FCHSD2: variants seen among roughly 807,000 people sequenced by gnomAD.
FCHSD2 encodes F-BAR and double SH3 domains protein 2.
Under a neutral mutation model 108.1 loss-of-function variants are expected in FCHSD2, and 38 were observed. The ratio of observed to expected loss-of-function variants is 0.35; its 90% CI spans 0.27 to 0.46. The LOEUF (loss-of-function observed/expected upper bound fraction) is 0.46. Ranked by LOEUF, FCHSD2 falls within the 20% of genes least tolerant of loss-of-function variation. The pLI is 1.00. For missense variants in FCHSD2, 751 were observed against 897.8 expected (o/e 0.84, Z 2.09); for synonymous variants, 279 against 314.7 (o/e 0.89, Z 1.20).
chr11:73,080,246 A>C (rs1859649559), intron 3 of FCHSD2, among the ~76,000 whole-genome samples: 1 of 146,432 alleles, frequency 6.8e-6, no homozygotes, highest in Admixed American at 6.9e-5. Context: ...ACACTAAGCT[A>C]TGATTGTGCC....
intron 8 of FCHSD2, among the ~76,000 whole-genome samples, chr11:72,931,621 C>T (rs1030762776): frequency 6.6e-6 from 1 of 151,394 alleles, no homozygotes; most frequent in African/African-American, 2.4e-5. Flanking sequence ...AAAAATTAGC[C>T]GGGCGCAGTG....
intron 2 of FCHSD2, among the ~76,000 whole-genome samples, chr11:73,121,961 C>A (rs1402429610): frequency 6.6e-6 from 1 of 152,040 alleles, no homozygotes; most frequent in Non-Finnish European, 1.5e-5. Context: ...AGTACTTAAC[C>A]TGAAAAGTAC....
intron 18 of FCHSD2, among the ~76,000 whole-genome samples, chr11:72,841,242 G>T (rs1396253236): frequency 2.0e-5 from 3 of 149,220 alleles, no homozygotes; most frequent in African/African-American, 7.4e-5. Flanking sequence ...GCTGAGGCAG[G>T]AGGATCACTT....
intron 5 of FCHSD2, among the ~76,000 whole-genome samples, chr11:72,996,302 T>C (rs1242402131): frequency 6.6e-6 from 1 of 152,178 alleles, no homozygotes; most frequent in East Asian, 1.9e-4. Context: ...TTAAATACTA[T>C]CAGGGTTGTG....
At chr11:73,121,548 C>T (rs996629963) in intron 2 of FCHSD2, among the ~76,000 whole-genome samples, 2 of 151,672 alleles carry the variant, frequency 1.3e-5, no homozygotes, top group African/African-American at 4.8e-5. Context: ...TCTTGGGTTG[C>T]TAAGATTTAA....
chr11:73,104,933 G>A (rs902938547), intron 2 of FCHSD2, among the ~76,000 whole-genome samples: 3 of 152,166 alleles, frequency 2.0e-5, no homozygotes, highest in Non-Finnish European at 4.4e-5. Context: ...AGTTTTACAC[G>A]TTTAAATGAA....
chr11:72,991,267 G>A (rs571862127), intron 5 of FCHSD2, among the ~76,000 whole-genome samples: 2 of 152,226 alleles, frequency 1.3e-5, no homozygotes, highest in African/African-American at 4.8e-5. Context: ...ATTCACAGCC[G>A]AATTCTACCA....
intron 9 of FCHSD2, among the ~76,000 whole-genome samples, chr11:72,913,827 A>C (rs1156864529): frequency 6.7e-6 from 1 of 149,700 alleles, no homozygotes; most frequent in East Asian, 1.9e-4. Context: ...AAAAACCCAA[A>C]AAAAAAACAA....
chr11:73,019,152 TACAGAACACATCAC>T (rs1858041304), intron 3 of FCHSD2, among the ~76,000 whole-genome samples: 1 of 152,190 alleles, frequency 6.6e-6, no homozygotes, highest in Non-Finnish European at 1.5e-5. Context: ...TTAAAGTGTT[TACAGAACACATCAC>T]ACAGAACATA....
At chr11:73,104,772 A>ATGTT (rs1860302668) in intron 2 of FCHSD2, among the ~76,000 whole-genome samples, 1 of 151,472 alleles carries the variant, frequency 6.6e-6, no homozygotes, top group African/African-American at 2.4e-5. Context: ...TTTCACCACC[A>ATGTT]GGCCAGGCTG....
At chr11:72,873,375 T>C (rs1481454475) in intron 12 of FCHSD2, among the ~76,000 whole-genome samples, 9 of 152,006 alleles carry the variant, frequency 5.9e-5, no homozygotes, top group Non-Finnish European at 1.3e-4. Flanking sequence ...TTATGGGTCA[T>C]TCATACATCT....
chr11:72,905,497 G>T (rs1855609765), intron 9 of FCHSD2, among the ~76,000 whole-genome samples: 1 of 152,094 alleles, frequency 6.6e-6, no homozygotes, highest in South Asian at 2.1e-4. Flanking sequence ...GTGCAGGTTT[G>T]TTACACAGGT....
At chr11:72,934,908 T>C (rs1305930119) in intron 8 of FCHSD2, among the ~76,000 whole-genome samples, 2 of 152,184 alleles carry the variant, frequency 1.3e-5, no homozygotes, top group African/African-American at 4.8e-5. Flanking sequence ...TATGTTTTAA[T>C]GACTCCACAA....
chr11:72,877,851 C>T (rs1376559069), intron 12 of FCHSD2, among the ~76,000 whole-genome samples: 1 of 151,868 alleles, frequency 6.6e-6, no homozygotes, highest in South Asian at 2.1e-4. Flanking sequence ...ACAAAAAATG[C>T]AAAAATTAGC....
At chr11:73,096,987 A>ATTTTTTTTGTTTTTTTTTTTTTTTTT (rs1860097350) in intron 2 of FCHSD2, among the ~76,000 whole-genome samples, 2 of 27,020 alleles carry the variant, frequency 7.4e-5, no homozygotes, top group Non-Finnish European at 1.1e-4. Flanking sequence ...TCATTGATGG[A>ATTTTTTTTGTTTTTTTTTTTTTTTTT]TTTTTTTTTT....
chr11:72,927,582 C>A (rs1856101115), intron 8 of FCHSD2, among the ~76,000 whole-genome samples: 1 of 152,174 alleles, frequency 6.6e-6, no homozygotes, highest in Admixed American at 6.5e-5. Context: ...AACAGTAACA[C>A]AAATTGTTGG....
intron 13 of FCHSD2, among the ~76,000 whole-genome samples, chr11:72,853,162 C>T (rs1010232191): frequency 2.0e-5 from 3 of 151,964 alleles, no homozygotes; most frequent in South Asian, 2.1e-4. Flanking sequence ...AAATTGAGTT[C>T]GAGACTAGAA....
chr11:72,857,749 CA>C (rs1223832308), intron 13 of FCHSD2, among the ~76,000 whole-genome samples: 1 of 151,978 alleles, frequency 6.6e-6, no homozygotes, highest in Non-Finnish European at 1.5e-5. Flanking sequence ...CGCGCCCGGC[CA>C]AAATGCTTAC....
intron 2 of FCHSD2, among the ~76,000 whole-genome samples, chr11:73,121,830 G>A (rs1860741328): frequency 6.6e-6 from 1 of 152,164 alleles, no homozygotes; most frequent in Non-Finnish European, 1.5e-5. Context: ...CACTCTCAGA[G>A]TTCCTGATGC....
Sources: allele counts gnomAD v4.1 joint callset (sites outside exome capture counted in the v4.1 genomes callset), GRCh38; gene constraint gnomAD v4.1.1; transcripts MANE v1.5; gene names NCBI Gene and HGNC (gene_info 2026-07-23, HGNC 2026-07-21).